Variants in UPF3A observed in about 807,000 individuals in gnomAD.
UPF3A encodes the protein regulator of nonsense transcripts 3A.
Under a neutral mutation model 53.5 loss-of-function variants are expected in UPF3A, and 42 were observed. The ratio of observed to expected loss-of-function variants is 0.78; its 90% CI spans 0.61 to 1.01. The LOEUF is 1.01. Among genes scored for constraint, UPF3A ranks in the 50% least tolerant of loss-of-function variants. The pLI is 0.00. For missense variants in UPF3A, 575 were observed against 598.0 expected (o/e 0.96, Z 0.40); for synonymous variants, 237 against 225.3 (o/e 1.05, Z -0.47).
intron 5 of UPF3A, among the ~76,000 whole-genome samples, chr13:114,289,705 T>G (rs1000041544): frequency 1.4e-4 from 21 of 152,144 alleles, no homozygotes; most frequent in African/African-American, 2.4e-5. Context: ...CATCGGCCTT[T>G]AGCATCGGCC....
intron 9 of UPF3A, among the ~76,000 whole-genome samples, chr13:114,303,509 G>T (rs1426941074): frequency 6.6e-6 from 1 of 152,158 alleles, no homozygotes; most frequent in Non-Finnish European, 1.5e-5. Flanking sequence ...TTGTCGGCCC[G>T]GTGCGGTGGC....
intron 7 of UPF3A, among the ~76,000 whole-genome samples, chr13:114,294,320 G>T (rs2085618751): frequency 6.6e-6 from 1 of 151,480 alleles, no homozygotes; most frequent in Admixed American, 6.6e-5. Flanking sequence ...CCAGGCTGGA[G>T]TGTAGTGGCA....
At chr13:114,301,615 C>T (rs2086614936) in intron 8 of UPF3A, 116 bp from the exon 9 acceptor site, 1 of 956,712 alleles carries the variant, frequency 1.0e-6, no homozygotes, top group Non-Finnish European at 1.6e-6. Flanking sequence ...CTCAGCAGTG[C>T]AGCGCTGAGC....
chr13:114,299,944 T>C (rs1157923181), intron 8 of UPF3A, among the ~76,000 whole-genome samples: 1 of 152,260 alleles, frequency 6.6e-6, no homozygotes, highest in East Asian at 1.9e-4. Context: ...TCAGAGTTGA[T>C]GAAGTATTTT....
chr13:114,282,538 A>T, intron 2 of UPF3A: 2 of 985,450 alleles, frequency 2.0e-6, no homozygotes, highest in Non-Finnish European at 2.4e-6. Context: ...TCCCCAAGTC[A>T]GGAGAGTCTC....
intron 7 of UPF3A, among the ~76,000 whole-genome samples, chr13:114,292,325 A>G (rs574054341): frequency 2.0e-5 from 3 of 149,056 alleles, no homozygotes; most frequent in African/African-American, 7.5e-5. Context: ...GTACACGTGC[A>G]GATGTGTCAC....
Position 114,298,910 on chromosome 13 carries a change from A to T in UPF3A, c.917A>T (p.Asp306Val). ...EKPKERGEEI[D>V]TGGGKQESCA... Reference sequence around the variant, plus strand: ...CCAAAAGAAAGAGGAGAGGAGATTGATACTGGAGGTGGCAAGCAGGAATCC... The same window carrying T: ...CCAAAAGAAAGAGGAGAGGAGATTGTTACTGGAGGTGGCAAGCAGGAATCC... The change falls in exon 8 of 10, where the codon GAT (aspartate) becomes GTT (valine). Residue 306 changes from aspartate (D) to valine (V), a missense_variant. Physicochemically the swap from Asp to Val is radical, Grantham distance 152. Around this residue, in one of 2 missense-constraint regions of UPF3A, gnomAD observed 323 missense variants for 415.2 expected, o/e 0.78. Transcript: ENST00000375299. 6.2e-7 allele frequency: 1 copy of T among 1,607,452 alleles called. No individual in the cohort carries two copies. Among genetic ancestry groups the T allele is most frequent in the Non-Finnish European group, 8.5e-7 (1 of 1,177,162 alleles).
rs566658118 is a variant in UPF3A at position 114,292,883 on chromosome 13, A to G, written c.846+1091A>G. On this transcript the variant is annotated intron_variant, in intron 7 of 9. Coordinates refer to ENST00000375299, the MANE Select transcript of UPF3A (RefSeq NM_023011.4). ...AGGTCAGGAGTTCGAGATCACCCTG[A>G]CTAACATGGTGAAACCCTGTCTCTA... 4.0e-5 allele frequency among the ~76,000 whole-genome samples: 6 copies of G among 151,650 alleles called. No individual in the cohort carries two copies. The East Asian group carries it at 9.8e-4, about 25-fold the overall frequency.
intron 2 of UPF3A, 42 bp downstream of exon 2, chr13:114,282,169 G>C: frequency 6.7e-7 from 1 of 1,490,324 alleles, no homozygotes; most frequent in Non-Finnish European, 9.0e-7. Flanking sequence ...GCGGAACCCA[G>C]AGCTCGGCGG....
At position 114,301,808 on chromosome 13, in the gene UPF3A, A is replaced by T. The variant is rs1335924754; in HGVS notation, c.1085A>T (p.His362Leu). The change falls in exon 9 of 10, where the codon CAT (histidine) becomes CTT (leucine). Residue 362 changes from histidine to leucine, a missense_variant. His to Leu is a moderately conservative substitution (Grantham distance 99, BLOSUM62 -3). Coordinates refer to ENST00000375299, the MANE Select transcript of UPF3A (RefSeq NM_023011.4). ...QEQESEAQRY[H>L]VDDGRRHRAH... is the part of the protein sequence containing the mutation. Reference sequence around the variant, plus strand: ...CAAGAATCTGAAGCACAAAGATACCATGTGGATGACGGCAGGAGGCACAGA... The same window carrying T: ...CAAGAATCTGAAGCACAAAGATACCTTGTGGATGACGGCAGGAGGCACAGA... 6.2e-7 allele frequency: 1 copy of T among 1,613,982 alleles called. No individual in the cohort carries two copies. Among genetic ancestry groups the T allele is most frequent in the South Asian group, 1.1e-5 (1 of 91,068 alleles).
chr13:114,286,969 C>T (rs977156729), intron 5 of UPF3A: 3 of 204,604 alleles, frequency 1.5e-5, no homozygotes, highest in Non-Finnish European at 3.0e-5. Flanking sequence ...TGGTCACAGA[C>T]GGATGCCTCA....
intron 9 of UPF3A, among the ~76,000 whole-genome samples, chr13:114,303,611 C>T (rs1158381117): frequency 6.6e-6 from 1 of 152,068 alleles, no homozygotes; most frequent in African/African-American, 2.4e-5. Context: ...CATAGTGAAA[C>T]CCCATCTCTA....
intron 9 of UPF3A, among the ~76,000 whole-genome samples, chr13:114,303,772 G>T (rs762381081): frequency 2.6e-5 from 4 of 152,156 alleles, no homozygotes; most frequent in Non-Finnish European, 5.9e-5. Flanking sequence ...GGCAACAAGA[G>T]TGTAACTTTG....
chr13:114,282,823 A>T lies in UPF3A; in HGVS notation c.315-14A>T, dbSNP rs774117816. 2 of 1,594,740 alleles carry T rather than the reference A, an allele frequency of 1.3e-6. No individual in the cohort carries two copies. The highest frequency in any genetic ancestry group is 4.5e-5 in the East Asian group (2 of 44,658). On this transcript the variant is annotated splice_polypyrimidine_tract_variant and intron_variant, in intron 2 of 9. Transcript: ENST00000375299. The stretch of plus-strand genomic sequence containing the variant: ...TTTTTCACTGACCATTTTCACTGTT[A>T]TCTCTTATTTCAGTCTTTATCCTCA...
In UPF3A at chr13:114,305,068, A is replaced by G. The variant is rs1204707009; in HGVS notation, c.*151A>G. 3.0e-6 allele frequency: 3 copies of G among 985,766 alleles called. No individual in the cohort carries two copies. The highest frequency in any genetic ancestry group is 3.0e-5 in the South Asian group (2 of 67,482). The allele number at this position is 985,766 out of a possible 1,614,324, so 61.1% of individuals were successfully genotyped here. A position where few individuals can be genotyped will look rare whatever the true frequency, so the allele number is the denominator to read the frequency against. On this transcript the variant is annotated 3_prime_UTR_variant, in exon 10 of 10. Coordinates refer to ENST00000375299, the MANE Select transcript of UPF3A (RefSeq NM_023011.4). ...GGTGACGTAGAAACACGCAGAAACCATTCTAAAGAAAGTAGTGATCTTGTA... is the reference window on the plus strand; with the variant it reads ...GGTGACGTAGAAACACGCAGAAACCGTTCTAAAGAAAGTAGTGATCTTGTA...
chr13:114,282,295 T>C (rs2084160159), intron 2 of UPF3A, 168 bp downstream of exon 2: 1 of 837,094 alleles, frequency 1.2e-6, no homozygotes, highest in Non-Finnish European at 1.8e-6. Context: ...CAAAGAAAAA[T>C]ACCACCAACA....
intron 8 of UPF3A, among the ~76,000 whole-genome samples, chr13:114,300,590 A>C (rs1313600299): frequency 2.7e-5 from 4 of 150,574 alleles, no homozygotes; most frequent in Non-Finnish European, 5.9e-5. Flanking sequence ...CCCAGGTTGG[A>C]GTGCAATGGT....
intron 9 of UPF3A, among the ~76,000 whole-genome samples, chr13:114,302,949 A>G (rs2086726336): frequency 6.6e-6 from 1 of 152,144 alleles, no homozygotes; most frequent in Non-Finnish European, 1.5e-5. Context: ...TAAAAATACA[A>G]AAAATAGCTG....
At chr13:114,282,459 G>A in intron 2 of UPF3A, 2 of 985,458 alleles carry the variant, frequency 2.0e-6, no homozygotes, top group Non-Finnish European at 2.4e-6. Flanking sequence ...CGGGGCCGGG[G>A]GGCGCCGGCT....
Sources: allele counts gnomAD v4.1 joint callset (sites outside exome capture counted in the v4.1 genomes callset), GRCh38; gene constraint gnomAD v4.1.1; regional missense constraint gnomAD v4.1.1; transcripts MANE v1.5; gene names NCBI Gene and HGNC (gene_info 2026-07-23, HGNC 2026-07-21).